S100B: variants seen among roughly 807,000 people sequenced by gnomAD.
S100B encodes protein S100-B.
S100B carries 6 observed loss-of-function variants against 7.7 expected under a neutral mutation model. The ratio of observed to expected loss-of-function variants is 0.78; its 90% CI spans 0.43 to 1.54. S100B has a LOEUF of 1.54. Among genes scored for constraint, S100B ranks in the 40% most tolerant of loss-of-function variants. The pLI is 0.01. For synonymous variants in S100B, 36 were observed against 40.4 expected, an observed-to-expected ratio of 0.89 and a Z score of 0.41; for missense variants, 99 against 111.8, an observed-to-expected ratio of 0.89 and a Z score of 0.52.
Position 46,599,485 on chromosome 21 carries a change from C to T in S100B, c.157G>A (p.Val53Ile), listed in dbSNP as rs376232084. The part of the protein sequence containing the change: ...HFLEEIKEQE[V>I]VDKVMETLDN... The stretch of plus-strand genomic sequence containing the variant: ...AGTGTTTCCATGACTTTGTCCACAA[C>T]CTCCTGCTCTTTGATTTCCTAAGAG... The change falls in exon 3 of 3, where the codon GTT becomes ATT. Residue 53 changes from valine to isoleucine, a missense_variant. Physicochemically the swap from Val to Ile is conservative, Grantham distance 29. Coordinates refer to ENST00000291700, the MANE Select transcript of S100B (RefSeq NM_006272.3). 6 of 1,614,138 alleles carry T rather than the reference C, an allele frequency of 3.7e-6. No individual in the cohort carries two copies. The East Asian group carries it at 8.9e-5, about 24-fold the overall frequency.
At chr21:46,600,758 AT>A (rs1480799865) in intron 2 of S100B, among the ~76,000 whole-genome samples, 1 of 152,184 alleles carries the variant, frequency 6.6e-6, no homozygotes, top group Non-Finnish European at 1.5e-5. Flanking sequence ...ACAAATTGAA[AT>A]TCCCAAGTGC....
chr21:46,604,649 T>C (rs1234403009), intron 1 of S100B, among the ~76,000 whole-genome samples: 1 of 152,206 alleles, frequency 6.6e-6, no homozygotes, highest in Admixed American at 6.5e-5. Flanking sequence ...CATTAGGTTC[T>C]CCATCATTTT....
At chr21:46,603,392 A>AGGGGGGCGGGGGG (rs1555923741) in intron 1 of S100B, among the ~76,000 whole-genome samples, 2 of 38,230 alleles carry the variant, frequency 5.2e-5, no homozygotes, top group African/African-American at 1.0e-4. Flanking sequence ...GGACGGCGGG[A>AGGGGGGCGGGGGG]GGGGGTGGGG....
intron 1 of S100B, 165 bp from the exon 2 acceptor site, chr21:46,602,581 T>C (rs1392925498): frequency 1.2e-5 from 8 of 642,902 alleles, no homozygotes; most frequent in Non-Finnish European, 1.8e-5. Context: ...TTCTGGGAAT[T>C]TGCACTTTTA....
intron 2 of S100B, among the ~76,000 whole-genome samples, 177 bp from the exon 3 acceptor site, chr21:46,599,680 A>G (rs1477689469): frequency 1.3e-5 from 2 of 152,106 alleles, no homozygotes; most frequent in East Asian, 3.9e-4. Context: ...CCAAGCAGAA[A>G]TCTCTGGGGG....
intron 2 of S100B, among the ~76,000 whole-genome samples, chr21:46,601,710 C>G (rs1348093635): frequency 6.6e-6 from 1 of 152,234 alleles, no homozygotes; most frequent in Non-Finnish European, 1.5e-5. Context: ...AGCCCCAGGG[C>G]TTCCAAAGGA....
chr21:46,599,711 A>C (rs2061036262), intron 2 of S100B, among the ~76,000 whole-genome samples: 1 of 152,090 alleles, frequency 6.6e-6, no homozygotes, highest in Admixed American at 6.5e-5. Flanking sequence ...GCCCTGAGCT[A>C]CTGGAAAAGG....
At chr21:46,602,188 C>T (rs1233790153) in intron 2 of S100B, 90 bp downstream of exon 2, 3 of 1,230,590 alleles carry the variant, frequency 2.4e-6, no homozygotes, top group Non-Finnish European at 3.4e-6. Context: ...AATGAAATCA[C>T]CTTCAGGGCA....
intron 1 of S100B, among the ~76,000 whole-genome samples, chr21:46,603,392 A>AGGGGGGGGGGAGGG: frequency 2.6e-5 from 1 of 38,230 alleles, no homozygotes. Flanking sequence ...GGACGGCGGG[A>AGGGGGGGGGGAGGG]GGGGGTGGGG....
At chr21:46,603,727 T>TAGGTGTTAAAA (rs3216568) in intron 1 of S100B, among the ~76,000 whole-genome samples, 1 of 151,660 alleles carries the variant, frequency 6.6e-6, no homozygotes, top group Non-Finnish European at 1.5e-5. Context: ...AATTTGGAAT[T>TAGGTGTTAAAA]ATTTTATTTA....
intron 1 of S100B, 116 bp from the exon 2 acceptor site, chr21:46,602,532 T>C (rs1436344620): frequency 2.8e-6 from 3 of 1,076,996 alleles, no homozygotes; most frequent in African/African-American, 3.1e-5. Context: ...CTTGGCACTC[T>C]TTTCAAGCTC....
At position 46,598,942 on chromosome 21, in the gene S100B, A is replaced by G. The variant is rs2061033689; in HGVS notation, c.*421T>C. 1.2e-5 allele frequency: 2 copies of G among 173,708 alleles called. No individual in the cohort carries two copies. The highest frequency in any genetic ancestry group is 2.4e-5 in the Non-Finnish European group (2 of 83,246). 10.8% of individuals were successfully genotyped at this position (173,708 alleles called of 1,614,324 possible). ...CATGGATGAGGAACGCATTTAAAGA[A>G]CAGCAGTGTTTTCAAATAATGCTGG... On this transcript the variant is annotated 3_prime_UTR_variant, in exon 3 of 3. Transcript: ENST00000291700.
At chr21:46,599,531 C>T in intron 2 of S100B, 28 bp from the exon 3 acceptor site, 1 of 1,611,610 alleles carries the variant, frequency 6.2e-7, no homozygotes, top group East Asian at 2.2e-5. Flanking sequence ...AGTTGCCGAC[C>T]TTGTTTTTAA....
chr21:46,601,149 C>T (rs1698114617), intron 2 of S100B, among the ~76,000 whole-genome samples: 1 of 152,150 alleles, frequency 6.6e-6, no homozygotes, highest in Non-Finnish European at 1.5e-5. Context: ...CACGGACTGC[C>T]GTGCTGCTGG....
chr21:46,602,337 T>C lies in S100B; in HGVS notation c.79A>G (p.Lys27Glu). The C allele has an allele frequency of 5.0e-6, 8 of 1,614,076 alleles. No homozygotes were observed. Among genetic ancestry groups the C allele is most frequent in the Non-Finnish European group, 6.8e-6 (8 of 1,179,906 alleles). ...QYSGREGDKHKLKKSELKELI... is the reference protein window; with the variant it reads ...QYSGREGDKHELKKSELKELI... ...TCCTTCAGTTCGGATTTCTTCAGCT[T>C]GTGCTTGTCTCCCTCCCTTCCAGAA... The change falls in exon 2 of 3, where the codon AAG becomes GAG. Residue 27 changes from lysine (K) to glutamate (E), a missense_variant. Coordinates refer to ENST00000291700, the MANE Select transcript of S100B (RefSeq NM_006272.3).
At chr21:46,601,945 A>T (rs1249060910) in intron 2 of S100B, among the ~76,000 whole-genome samples, 1 of 152,260 alleles carries the variant, frequency 6.6e-6, no homozygotes, top group African/African-American at 2.4e-5. Context: ...TTTCCTAAAA[A>T]CATTCCCAAA....
Position 46,599,040 on chromosome 21 carries a change from C to T in S100B, c.*323G>A. Reference sequence around the variant, plus strand: ...GGGTAATTTCTGTAGTCAGGGTTCCCTCCGGGTTAGGGTCTACACGGCCAT... The same window carrying T: ...GGGTAATTTCTGTAGTCAGGGTTCCTTCCGGGTTAGGGTCTACACGGCCAT... On this transcript the variant is annotated 3_prime_UTR_variant, in exon 3 of 3. Transcript: ENST00000291700. 1 of 283,344 alleles carries T rather than the reference C, an allele frequency of 3.5e-6. No individual in the cohort carries two copies. The allele number at this position is 283,344 out of a possible 1,614,324, so 17.6% of individuals were successfully genotyped here. A position where few individuals can be genotyped will look rare whatever the true frequency, so the allele number is the denominator to read the frequency against.
chr21:46,604,559 G>C (rs1332652365), intron 1 of S100B, among the ~76,000 whole-genome samples: 1 of 152,184 alleles, frequency 6.6e-6, no homozygotes, highest in African/African-American at 2.4e-5. Context: ...CTGGAAAACT[G>C]AAGAGTTACT....
At chr21:46,600,417 G>T (rs1288183911) in intron 2 of S100B, 1 of 428,124 alleles carries the variant, frequency 2.3e-6, no homozygotes, top group East Asian at 8.2e-5. Flanking sequence ...CATGGTCCAT[G>T]TGCCCGTATT....
Sources: allele counts gnomAD v4.1 joint callset (sites outside exome capture counted in the v4.1 genomes callset), GRCh38; gene constraint gnomAD v4.1.1; transcripts MANE v1.5; gene names NCBI Gene and HGNC (gene_info 2026-07-23, HGNC 2026-07-21).